CELF2: variants seen among roughly 807,000 people sequenced by gnomAD.
The protein encoded by CELF2 is CUG triplet repeat RNA-binding protein 2.
A neutral mutation model predicts 62.6 loss-of-function variants in CELF2; 8 were observed. The observed-to-expected ratio is 0.13, with a 90% CI of 0.07 to 0.23. CELF2 has a LOEUF of 0.23. Among genes scored for constraint, CELF2 ranks in the 10% least tolerant of loss-of-function variants. The probability of loss-of-function intolerance (pLI) is 1.00; values close to 1 mark genes in which losing one functional copy is unlikely to be tolerated. For missense variants in CELF2, 333 were observed against 671.0 expected (o/e 0.50, Z 5.56); for synonymous variants, 258 against 250.0 (o/e 1.03, Z -0.30).
At chr10:10,697,973 A>C in the CELF2 span, among the ~76,000 whole-genome samples, 1 of 152,096 alleles carries the variant, frequency 6.6e-6, no homozygotes, top group Non-Finnish European at 1.5e-5. Flanking sequence ...TTGTATTTTT[A>C]GTACAGACAG....
intron 2 of CELF2, among the ~76,000 whole-genome samples, chr10:10,968,137 A>G (rs989168735): frequency 6.7e-6 from 1 of 148,714 alleles, no homozygotes; most frequent in Admixed American, 6.7e-5. Context: ...CAAAACGCAC[A>G]GGGTTGGCCA....
the CELF2 span, among the ~76,000 whole-genome samples, chr10:10,698,610 C>T: frequency 6.6e-6 from 1 of 152,202 alleles, no homozygotes; most frequent in Non-Finnish European, 1.5e-5. Context: ...TATTTAATAG[C>T]TTGCTTGTGC....
At chr10:10,830,984 GCATTTGATC>G (rs1476397754) in intron 1 of CELF2, among the ~76,000 whole-genome samples, 1 of 152,172 alleles carries the variant, frequency 6.6e-6, no homozygotes, top group Non-Finnish European at 1.5e-5. Context: ...GCTTAACTCT[GCATTTGATC>G]TTCAAACTAG....
chr10:10,503,335 A>G, the CELF2 span, among the ~76,000 whole-genome samples: 3 of 151,984 alleles, frequency 2.0e-5, no homozygotes, highest in Admixed American at 1.3e-4. Context: ...GTTAAAGTCT[A>G]TAACTCTAAT....
At chr10:10,920,920 G>A (rs78619983) in intron 2 of CELF2, among the ~76,000 whole-genome samples, 6,684 of 152,110 alleles carry the variant, frequency 0.044, 504 homozygotes, top group African/African-American at 0.15. Flanking sequence ...TCTCTCCTGA[G>A]CACCAAGGAT....
At chr10:10,989,447 C>G (rs940823035) in intron 2 of CELF2, among the ~76,000 whole-genome samples, 1 of 151,866 alleles carries the variant, frequency 6.6e-6, no homozygotes, top group Non-Finnish European at 1.5e-5. Context: ...CCCCAAAAAC[C>G]CCAGGGAAAA....
At chr10:10,473,466 T>C in the CELF2 span, among the ~76,000 whole-genome samples, 6 of 152,080 alleles carry the variant, frequency 3.9e-5, no homozygotes, top group African/African-American at 1.4e-4. Flanking sequence ...GTGGTACTTT[T>C]TTCAACAGCC....
the CELF2 span, among the ~76,000 whole-genome samples, chr10:10,609,623 G>T: frequency 6.6e-6 from 1 of 152,200 alleles, no homozygotes; most frequent in Admixed American, 6.5e-5. Context: ...GGCCAACTCT[G>T]TTCCTCCTAA....
the CELF2 span, among the ~76,000 whole-genome samples, chr10:10,574,403 C>T: frequency 1.3e-5 from 2 of 152,092 alleles, no homozygotes; most frequent in African/African-American, 4.8e-5. Context: ...TAATTGCCTA[C>T]TCCACAGGTT....
intron 1 of CELF2, among the ~76,000 whole-genome samples, chr10:10,833,406 A>C (rs2058034454): frequency 6.6e-6 from 1 of 152,244 alleles, no homozygotes; most frequent in African/African-American, 2.4e-5. Flanking sequence ...GCACACAGCA[A>C]CTGGCAGTAC....
At chr10:11,028,401 TTTTTC>T (rs1401693594) in intron 1 of CELF2, among the ~76,000 whole-genome samples, 11 of 146,368 alleles carry the variant, frequency 7.5e-5, no homozygotes, top group Admixed American at 2.2e-4. Flanking sequence ...AGGAAACGAT[TTTTTC>T]TTTTCTTTTC....
At chr10:10,618,641 C>T in the CELF2 span, among the ~76,000 whole-genome samples, 6 of 152,086 alleles carry the variant, frequency 3.9e-5, no homozygotes, top group African/African-American at 1.2e-4. Flanking sequence ...ACAGGAACTG[C>T]GCCTTGTCTG....
chr10:10,770,281 G>A, the CELF2 span, among the ~76,000 whole-genome samples: 311 of 152,048 alleles, frequency 2.0e-3, 1 homozygote, highest in African/African-American at 6.9e-3. Context: ...GCAGTAAGCC[G>A]AGGTCGCGCC....
At chr10:10,668,690 G>C in the CELF2 span, among the ~76,000 whole-genome samples, 1 of 152,144 alleles carries the variant, frequency 6.6e-6, no homozygotes, top group Non-Finnish European at 1.5e-5. Context: ...AAGCACAGTG[G>C]CTCATGCCTG....
intron 1 of CELF2, among the ~76,000 whole-genome samples, chr10:11,099,968 A>G (rs2051062821): frequency 6.6e-6 from 1 of 151,610 alleles, no homozygotes; most frequent in Admixed American, 6.6e-5. Context: ...TGGGAGGCTC[A>G]GATGGGCAGA....
the CELF2 span, among the ~76,000 whole-genome samples, chr10:10,625,440 A>G: frequency 2.0e-5 from 3 of 150,630 alleles, no homozygotes; most frequent in Non-Finnish European, 4.5e-5. Flanking sequence ...ACGGAAGGCA[A>G]CACTGCGTAT....
At chr10:10,904,971 T>A (rs924017337) in intron 1 of CELF2, among the ~76,000 whole-genome samples, 1 of 152,234 alleles carries the variant, frequency 6.6e-6, no homozygotes, top group Non-Finnish European at 1.5e-5. Flanking sequence ...CAGATTATCA[T>A]CCTGTTTGGA....
the CELF2 span, among the ~76,000 whole-genome samples, chr10:10,558,862 C>T: frequency 6.6e-6 from 1 of 152,114 alleles, no homozygotes; most frequent in Non-Finnish European, 1.5e-5. Context: ...GTTTATATTT[C>T]ACTGGGCACA....
intron 1 of CELF2, among the ~76,000 whole-genome samples, chr10:11,155,851 G>A (rs909009131): frequency 1.3e-5 from 2 of 152,178 alleles, no homozygotes; most frequent in Admixed American, 1.3e-4. Context: ...TTAGCCTGGC[G>A]TTTCATTTCA....
Sources: gnomAD v4.1 joint callset for allele counts (sites outside exome capture counted in the v4.1 genomes callset) on GRCh38, gnomAD v4.1.1 for gene constraint, MANE v1.5 for transcripts, NCBI Gene and HGNC (gene_info 2026-07-23, HGNC 2026-07-21) for gene names.